The following PCDHGA2 variants were observed in gnomAD, a reference collection of about 807,000 sequenced individuals.
The protein encoded by PCDHGA2 is protocadherin gamma subfamily A, 2, also known as protocadherin gamma-A2.
In PCDHGA2, 40 loss-of-function variants were observed where a neutral mutation model predicts 59.2. The observed-to-expected ratio is 0.68, with a 90% CI of 0.52 to 0.88. The LOEUF is 0.88. PCDHGA2 is among the 40% of genes least tolerant of loss of function. The pLI, the probability that PCDHGA2 is intolerant of heterozygous loss-of-function variation, is 0.00. For missense variants in PCDHGA2, 1,226 were observed against 1,204.0 expected (o/e 1.02, Z -0.27); for synonymous variants, 560 against 526.0 (o/e 1.06, Z -0.89).
intron 1 of PCDHGA2, chr5:141,394,701 C>A (rs375281416): frequency 5.0e-6 from 8 of 1,613,162 alleles, no homozygotes; most frequent in Non-Finnish European, 6.8e-6. Flanking sequence ...GCGCACGGCG[C>A]GAGCCCTGCT....
At position 141,357,483 on chromosome 5, in the gene PCDHGA2, G is replaced by A. The variant is rs368424779; in HGVS notation, c.2424+16088G>A. On this transcript the variant is annotated intron_variant, in intron 1 of 3. Coordinates refer to ENST00000394576, the MANE Select transcript of PCDHGA2 (RefSeq NM_018915.4). The stretch of plus-strand genomic sequence containing the variant: ...ATTCCCACGAGGTCTCCCTCACCGC[G>A]GACTCGCGGAAGAGTCACCTGATCT... The A allele has an allele frequency of 1.2e-4, 201 of 1,614,194 alleles. No homozygotes were observed. In the African/African-American group the frequency reaches 2.1e-3, roughly 17 times the overall value.
intron 1 of PCDHGA2, chr5:141,366,677 G>C (rs781103707): frequency 6.2e-7 from 1 of 1,614,148 alleles, no homozygotes; most frequent in Non-Finnish European, 8.5e-7. Context: ...CCTTAGTGAA[G>C]AGAGCTGTGA....
intron 1 of PCDHGA2, among the ~76,000 whole-genome samples, chr5:141,397,541 C>G (rs1385892486): frequency 6.6e-6 from 1 of 152,014 alleles, no homozygotes; most frequent in Non-Finnish European, 1.5e-5. Context: ...TTTTTGAAAT[C>G]AGTATAGTAT....
At chr5:141,421,854 C>T (rs1402137870) in intron 1 of PCDHGA2, 9 of 1,613,644 alleles carry the variant, frequency 5.6e-6, no homozygotes. Flanking sequence ...AGGCTGCTCA[C>T]CTGCTCCTCC....
intron 1 of PCDHGA2, among the ~76,000 whole-genome samples, chr5:141,463,527 G>C (rs12109431): frequency 1.5e-5 from 2 of 131,102 alleles, no homozygotes; most frequent in Non-Finnish European, 3.1e-5. Context: ...CGGCTTACTA[G>C]AAACTCCGGC....
At chr5:141,370,602 G>A in intron 1 of PCDHGA2, 1 of 1,613,954 alleles carries the variant, frequency 6.2e-7, no homozygotes, top group Non-Finnish European at 8.5e-7. Flanking sequence ...GCGGGTTATT[G>A]CAGAGAAGAA....
chr5:141,370,843 C>A (rs765653454), intron 1 of PCDHGA2: 1 of 1,614,052 alleles, frequency 6.2e-7, no homozygotes, highest in South Asian at 1.1e-5. Flanking sequence ...CTCACTGGAG[C>A]CACATTTGCC....
chr5:141,418,126 A>G (rs2096226975), intron 1 of PCDHGA2: 3 of 1,613,994 alleles, frequency 1.9e-6, no homozygotes, highest in Non-Finnish European at 2.5e-6. Context: ...TGAAGGACCG[A>G]ATAGACCGTG....
At chr5:141,366,242 C>T (rs766649335) in intron 1 of PCDHGA2, 1 of 1,613,782 alleles carries the variant, frequency 6.2e-7, no homozygotes, top group East Asian at 2.2e-5. Flanking sequence ...CAGAGACGCG[C>T]TCAAGCAGAG....
At chr5:141,346,530 T>C in intron 1 of PCDHGA2, 2 of 1,573,352 alleles carry the variant, frequency 1.3e-6, no homozygotes, top group Non-Finnish European at 1.7e-6. Flanking sequence ...TTAACACATA[T>C]GTATTTGAGA....
intron 1 of PCDHGA2, among the ~76,000 whole-genome samples, chr5:141,457,124 ACT>A (rs1304231701): frequency 6.6e-6 from 1 of 152,158 alleles, no homozygotes; most frequent in Non-Finnish European, 1.5e-5. Context: ...AGCAATGGAA[ACT>A]CTGTCCAATA....
chr5:141,415,980 T>C, intron 1 of PCDHGA2: 1 of 348,656 alleles, frequency 2.9e-6, no homozygotes, highest in Non-Finnish European at 4.8e-6. Context: ...TAAGCAACCC[T>C]CTTGTTCTGA....
intron 3 of PCDHGA2, chr5:141,507,285 C>T (rs80317708): frequency 2.7e-5 from 4 of 150,212 alleles, no homozygotes; most frequent in African/African-American, 7.4e-5. Flanking sequence ...ATAAGTCAGT[C>T]TCAAATGTTG....
intron 1 of PCDHGA2, among the ~76,000 whole-genome samples, chr5:141,470,055 G>A (rs1432696943): frequency 1.3e-5 from 2 of 152,192 alleles, no homozygotes; most frequent in Non-Finnish European, 1.5e-5. Context: ...TTTGAACCCC[G>A]GAGGCAGAGA....
intron 1 of PCDHGA2, chr5:141,370,363 G>A: frequency 1.3e-6 from 2 of 1,518,634 alleles, no homozygotes; most frequent in South Asian, 1.3e-5. Context: ...TCCTCTCCTC[G>A]GATTTAGAAA....
chr5:141,370,789 C>A (rs796186624), intron 1 of PCDHGA2: 4 of 1,613,906 alleles, frequency 2.5e-6, no homozygotes, highest in Non-Finnish European at 3.4e-6. Context: ...AACCCACCGA[C>A]CTTTAGCCAA....
At chr5:141,430,567 A>G in intron 1 of PCDHGA2, 1 of 434,308 alleles carries the variant, frequency 2.3e-6, no homozygotes, top group Non-Finnish European at 3.9e-6. Context: ...GGGGAGAGAA[A>G]AGCGGAGATC....
intron 2 of PCDHGA2, among the ~76,000 whole-genome samples, chr5:141,496,123 C>T (rs2099766207): frequency 6.6e-6 from 1 of 152,098 alleles, no homozygotes; most frequent in African/African-American, 2.4e-5. Flanking sequence ...CTTCCCTGCC[C>T]CTCACACACT....
At chr5:141,351,684 CG>C in intron 1 of PCDHGA2, 1 of 1,613,988 alleles carries the variant, frequency 6.2e-7, no homozygotes, top group East Asian at 2.2e-5. Context: ...GCCTCCGACC[CG>C]GATTTGGGAC....
Sources: gnomAD v4.1 joint callset for allele counts (sites outside exome capture counted in the v4.1 genomes callset) on GRCh38, gnomAD v4.1.1 for gene constraint, MANE v1.5 for transcripts, NCBI Gene and HGNC (gene_info 2026-07-23, HGNC 2026-07-21) for gene names.